Variants in NDUFV2 observed in about 807,000 individuals in gnomAD.
NDUFV2 encodes the protein NADH:ubiquinone oxidoreductase core subunit V2.
NDUFV2 carries 18 observed loss-of-function variants against 31.6 expected under a neutral mutation model. The ratio of observed to expected loss-of-function variants is 0.57; its 90% CI spans 0.39 to 0.84. The LOEUF is 0.84. Among genes scored for constraint, NDUFV2 ranks in the 40% least tolerant of loss-of-function variants. NDUFV2 has a pLI of 0.00. For missense variants in NDUFV2, 314 were observed against 303.6 expected, an observed-to-expected ratio of 1.03 and a Z score of -0.26; for synonymous variants, 83 against 99.8, an observed-to-expected ratio of 0.83 and a Z score of 1.01.
Position 9,108,239 on chromosome 18 carries a change from G to GAATTAACAAATGTAAATTACTACATT in NDUFV2, c.54+5442_54+5443insAATTAACAAATGTAAATTACTACATT, listed in dbSNP as rs1432908208. Among the ~76,000 whole-genome samples, 3 of 152,102 alleles carry GAATTAACAAATGTAAATTACTACATT rather than the reference G, an allele frequency of 2.0e-5. No homozygotes were observed. The East Asian group carries it at 5.8e-4, about 29-fold the overall frequency. On this transcript the variant is annotated intron_variant, in intron 1 of 7. Transcript: ENST00000318388. ...AATTACATTTGTTAATTCTCTCATAGTATGGTAAAAATTACTTACATTTTA... is the reference window on the plus strand; with the variant it reads ...AATTACATTTGTTAATTCTCTCATAGAATTAACAAATGTAAATTACTACATTTATGGTAAAAATTACTTACATTTTA...
At chr18:9,105,781 A>C (rs1418879123) in intron 1 of NDUFV2, among the ~76,000 whole-genome samples, 5 of 152,218 alleles carry the variant, frequency 3.3e-5, no homozygotes, top group Non-Finnish European at 7.3e-5. Flanking sequence ...AAGACAGGCA[A>C]TTGTAAGTCA....
intron 1 of NDUFV2, 189 bp from the exon 2 acceptor site, chr18:9,117,649 C>T (rs1465078740): frequency 1.9e-6 from 1 of 536,618 alleles, no homozygotes; most frequent in Non-Finnish European, 3.4e-6. Context: ...GTGGGTGAAT[C>T]TTGGCTTTGA....
intron 5 of NDUFV2, among the ~76,000 whole-genome samples, chr18:9,124,174 TTACA>T (rs941518537): frequency 9.2e-5 from 14 of 151,706 alleles, no homozygotes; most frequent in Admixed American, 4.6e-4. Context: ...AATGTTAAAA[TTACA>T]TAGAGTTTTT....
At position 9,124,310 on chromosome 18, in the gene NDUFV2, G is replaced by T. The variant is rs139919464; in HGVS notation, c.470-564G>T. ...AAAAAATTTTTAATTTTTTTGTAGA[G>T]CTGTGTCTCCCTATGTTGCCCAGAC... On this transcript the variant is annotated intron_variant, in intron 5 of 7. Coordinates refer to ENST00000318388, the MANE Select transcript of NDUFV2 (RefSeq NM_021074.5). Among the ~76,000 whole-genome samples, 957 of 150,982 alleles carry T rather than the reference G, an allele frequency of 6.3e-3. 7 individuals are homozygous for T. The highest frequency in any genetic ancestry group is 0.017 in the Middle Eastern group (5 of 292).
intron 5 of NDUFV2, among the ~76,000 whole-genome samples, chr18:9,124,544 G>A (rs1030649148): frequency 3.3e-5 from 5 of 151,230 alleles, no homozygotes; most frequent in African/African-American, 1.2e-4. Context: ...CGCCTCCTGG[G>A]TTCACGCCAC....
At chr18:9,129,819 A>T (rs1469934276) in intron 7 of NDUFV2, among the ~76,000 whole-genome samples, 2 of 152,216 alleles carry the variant, frequency 1.3e-5, no homozygotes, top group Non-Finnish European at 1.5e-5. Context: ...GCTGAATCTT[A>T]AATATAATAA....
intron 1 of NDUFV2, among the ~76,000 whole-genome samples, chr18:9,113,998 A>G (rs1345632066): frequency 6.6e-6 from 1 of 152,196 alleles, no homozygotes; most frequent in Non-Finnish European, 1.5e-5. Flanking sequence ...CATCACTGCT[A>G]AGGGACCTTG....
chr18:9,132,742 A>G (rs2143115321), intron 7 of NDUFV2, among the ~76,000 whole-genome samples: 2 of 152,242 alleles, frequency 1.3e-5, no homozygotes, highest in Middle Eastern at 6.8e-3. Flanking sequence ...AGGCATGGTG[A>G]CGCACACCTG....
chr18:9,122,038 C>T (rs928773310), intron 4 of NDUFV2, among the ~76,000 whole-genome samples: 2 of 152,120 alleles, frequency 1.3e-5, no homozygotes, highest in East Asian at 1.9e-4. Context: ...GATTTTCAAC[C>T]TTTTTTTCTG....
intron 4 of NDUFV2, among the ~76,000 whole-genome samples, chr18:9,120,673 G>GTAT (rs3837901): frequency 0.79 from 119,844 of 151,744 alleles, 47,523 homozygotes; most frequent in Middle Eastern, 0.88. Flanking sequence ...TATAACACTG[G>GTAT]TTTTTCCCTA....
chr18:9,126,468 C>T (rs1226257234), intron 6 of NDUFV2, among the ~76,000 whole-genome samples: 4 of 152,178 alleles, frequency 2.6e-5, no homozygotes, highest in Admixed American at 2.6e-4. Flanking sequence ...TGTTTCAATT[C>T]AGAGCAATAT....
intron 2 of NDUFV2, among the ~76,000 whole-genome samples, chr18:9,119,055 T>C (rs1163195802): frequency 6.6e-6 from 1 of 152,144 alleles, no homozygotes; most frequent in Non-Finnish European, 1.5e-5. Context: ...GATAACACTT[T>C]TTGTTGTTTG....
At chr18:9,119,952 G>C (rs1263103731) in intron 4 of NDUFV2, among the ~76,000 whole-genome samples, 2 of 151,978 alleles carry the variant, frequency 1.3e-5, no homozygotes, top group Non-Finnish European at 2.9e-5. Context: ...AAGAAGATCT[G>C]CTCACTAGTA....
In NDUFV2 at chr18:9,119,555, C is replaced by G; in HGVS notation, c.265C>G (p.Gln89Glu). The change falls in exon 4 of 8, where the codon CAG (glutamine) becomes GAG (glutamate). Residue 89 changes from glutamine to glutamate, a missense_variant. Coordinates refer to ENST00000318388, the MANE Select transcript of NDUFV2 (RefSeq NM_021074.5). ...TCCAGTCCTGGATTTAGCCCAAAGG[C>G]AGAATGGGTGGTTGCCCATCTCTGC... ...VLPVLDLAQR[Q>E]NGWLPISAMN... The G allele has an allele frequency of 6.2e-7, 1 of 1,613,768 alleles. No individual in the cohort carries two copies. Among genetic ancestry groups the G allele is most frequent in the Non-Finnish European group, 8.5e-7 (1 of 1,179,768 alleles).
At chr18:9,125,998 T>A (rs546010038) in intron 6 of NDUFV2, among the ~76,000 whole-genome samples, 146 of 152,348 alleles carry the variant, frequency 9.6e-4, no homozygotes, top group African/African-American at 3.1e-3. Context: ...CTTGCCCCTC[T>A]AAGCTTTGAA....
At chr18:9,123,126 G>GTAGCATTTGAAAAGTAAAT (rs1429873019) in intron 5 of NDUFV2, among the ~76,000 whole-genome samples, 1 of 152,200 alleles carries the variant, frequency 6.6e-6, no homozygotes, top group Non-Finnish European at 1.5e-5. Context: ...TGTTATTACA[G>GTAGCATTTGAAAAGTAAAT]TAGCATTTGA....
chr18:9,124,852 G>C (rs781536943), intron 5 of NDUFV2, 22 bp from the exon 6 acceptor site: 1 of 1,601,408 alleles, frequency 6.2e-7, no homozygotes, highest in Non-Finnish European at 8.5e-7. Flanking sequence ...CTGGTCCTTA[G>C]AGTGTTTATT....
chr18:9,124,795 A>C, intron 5 of NDUFV2, 79 bp from the exon 6 acceptor site: 1 of 1,320,252 alleles, frequency 7.6e-7, no homozygotes. Context: ...TACCTCTATA[A>C]AAATTCTTTT....
intron 7 of NDUFV2, among the ~76,000 whole-genome samples, chr18:9,129,401 A>T (rs1250032982): frequency 6.6e-6 from 1 of 152,174 alleles, no homozygotes; most frequent in East Asian, 1.9e-4. Context: ...TTTTTCACAA[A>T]TTTTTTTGAG....
Sources: gnomAD v4.1 joint callset for allele counts (sites outside exome capture counted in the v4.1 genomes callset) on GRCh38, gnomAD v4.1.1 for gene constraint, MANE v1.5 for transcripts, NCBI Gene and HGNC (gene_info 2026-07-23, HGNC 2026-07-21) for gene names.